EDA: variants seen among roughly 807,000 people sequenced by gnomAD.
The protein encoded by EDA is ectodysplasin A, also known as ectodysplasin-A.
Under a neutral mutation model 23.6 loss-of-function variants are expected in EDA, and 2 were observed. The observed-to-expected ratio is 0.08, with a 90% CI of 0.03 to 0.27. The LOEUF is 0.27. Among genes scored for constraint, EDA ranks in the 10% least tolerant of loss-of-function variants. The pLI is 1.00. For missense variants in EDA, 229 were observed against 324.2 expected (o/e 0.71, Z 2.26); for synonymous variants, 131 against 132.0 (o/e 0.99, Z 0.05).
intron 1 of EDA, among the ~76,000 whole-genome samples, chrX:69,679,989 T>C (rs1934271609): frequency 9.2e-6 from 1 of 108,176 alleles, no homozygotes; most frequent in African/African-American, 3.4e-5. Flanking sequence ...CACACTGCTT[T>C]GAATGCGTCC....
intron 1 of EDA, among the ~76,000 whole-genome samples, chrX:69,791,516 T>C (rs1486169713): frequency 8.9e-6 from 1 of 112,248 alleles, no homozygotes; most frequent in Non-Finnish European, 1.9e-5. Flanking sequence ...AGGGATAAGA[T>C]GTAGAAAATA....
intron 1 of EDA, among the ~76,000 whole-genome samples, chrX:69,859,035 T>C (rs1256700292): frequency 2.6e-4 from 29 of 112,096 alleles, no homozygotes; most frequent in Non-Finnish European, 1.9e-5. Context: ...GTTCATAATA[T>C]TCTTTGATGA....
chrX:69,699,991 A>G (rs1019641570), intron 1 of EDA, among the ~76,000 whole-genome samples: 1 of 110,881 alleles, frequency 9.0e-6, no homozygotes, highest in Non-Finnish European at 1.9e-5. Context: ...AGGAGGGACT[A>G]GAGGAGGGAT....
intron 3 of EDA, among the ~76,000 whole-genome samples, chrX:70,025,130 GTTT>G (rs764249952): frequency 9.4e-6 from 1 of 106,930 alleles, no homozygotes; most frequent in Admixed American, 1.0e-4. Context: ...CAAAGCAGGA[GTTT>G]TTTTTTTTCT....
At chrX:69,925,142 TTCTTTC>T (rs1447878843) in intron 1 of EDA, among the ~76,000 whole-genome samples, 1 of 111,662 alleles carries the variant, frequency 9.0e-6, no homozygotes, top group African/African-American at 3.3e-5. Context: ...ATACCCTTAT[TTCTTTC>T]TCTTGCCTGA....
intron 1 of EDA, among the ~76,000 whole-genome samples, chrX:69,912,970 G>A (rs2018290587): frequency 9.0e-6 from 1 of 110,544 alleles, no homozygotes; most frequent in Admixed American, 9.6e-5. Context: ...GTTTCACCAT[G>A]TTGGCCAGGC....
At chrX:69,879,602 G>C (rs745657452) in intron 1 of EDA, among the ~76,000 whole-genome samples, 40 of 111,799 alleles carry the variant, frequency 3.6e-4, no homozygotes, top group Non-Finnish European at 6.8e-4. Flanking sequence ...TTATAACTAG[G>C]TCATGAGAGT....
At chrX:69,623,180 C>T (rs920859151) in intron 1 of EDA, among the ~76,000 whole-genome samples, 4 of 112,155 alleles carry the variant, frequency 3.6e-5, no homozygotes, top group Non-Finnish European at 5.6e-5. Flanking sequence ...CATTTAGAAT[C>T]AGCTTGTCAT....
intron 2 of EDA, 129 bp downstream of exon 2, chrX:69,957,261 G>A (rs1261277087): frequency 6.5e-5 from 39 of 596,876 alleles, no homozygotes; most frequent in South Asian, 2.9e-4. Context: ...GGAGGCCCAC[G>A]CGGGCAGATC....
chrX:69,792,128 A>T (rs2015422250), intron 1 of EDA, among the ~76,000 whole-genome samples: 2 of 109,998 alleles, frequency 1.8e-5, no homozygotes, highest in South Asian at 7.8e-4. Context: ...CCATTCCCCC[A>T]CTGAGTCCCC....
intron 1 of EDA, among the ~76,000 whole-genome samples, chrX:69,785,356 T>A (rs1396141483): frequency 3.6e-5 from 3 of 82,940 alleles, no homozygotes; most frequent in Admixed American, 2.6e-4. Context: ...AGAGAGGGCA[T>A]CCCTGTCTTG....
intron 2 of EDA, among the ~76,000 whole-genome samples, chrX:69,997,019 AC>A (rs994335077): frequency 2.7e-5 from 3 of 111,633 alleles, no homozygotes; most frequent in Non-Finnish European, 5.6e-5. Context: ...CTTTATCAGC[AC>A]CATGAAATGG....
At chrX:69,644,972 T>C (rs1238175092) in intron 1 of EDA, among the ~76,000 whole-genome samples, 1 of 111,775 alleles carries the variant, frequency 8.9e-6, no homozygotes, top group Non-Finnish European at 1.9e-5. Flanking sequence ...GCTGACTTGA[T>C]CATGGTGGAT....
intron 1 of EDA, among the ~76,000 whole-genome samples, chrX:69,753,109 C>G (rs1569319046): frequency 9.0e-6 from 1 of 111,156 alleles, no homozygotes; most frequent in Admixed American, 9.6e-5. Context: ...TATTTCTTGC[C>G]TTCTGCTAGC....
intron 3 of EDA, among the ~76,000 whole-genome samples, chrX:70,023,478 CTTTTTTTTTTTT>C (rs754981946): frequency 9.0e-5 from 3 of 33,489 alleles, no homozygotes; most frequent in South Asian, 4.3e-3. Context: ...TCTTTTTATT[CTTTTTTTTTTTT>C]TTTTTTTTTT....
intron 2 of EDA, among the ~76,000 whole-genome samples, chrX:69,978,317 C>CT (rs1209751613): frequency 8.0e-4 from 15 of 18,836 alleles, no homozygotes; most frequent in African/African-American, 2.5e-3. Flanking sequence ...AACTCCATCT[C>CT]TAAAAAAAAA....
intron 1 of EDA, among the ~76,000 whole-genome samples, chrX:69,795,918 C>T (rs943708332): frequency 5.4e-5 from 6 of 111,867 alleles, no homozygotes; most frequent in Non-Finnish European, 7.5e-5. Flanking sequence ...AGGGGATTGC[C>T]CAGCCCGGTC....
intron 1 of EDA, among the ~76,000 whole-genome samples, chrX:69,895,395 TACACACACACACAC>T (rs200298403): frequency 1.0e-4 from 9 of 86,101 alleles, no homozygotes; most frequent in Non-Finnish European, 1.4e-4. Context: ...TTTCTCAACC[TACACACACACACAC>T]ACACACACAC....
intron 1 of EDA, among the ~76,000 whole-genome samples, chrX:69,728,243 C>A (rs200190441): frequency 7.1e-4 from 65 of 91,956 alleles, no homozygotes; most frequent in African/African-American, 6.8e-4. Flanking sequence ...GACTCCATCT[C>A]AAAAAAAAAA....
Sources: allele counts gnomAD v4.1 joint callset (sites outside exome capture counted in the v4.1 genomes callset), GRCh38; gene constraint gnomAD v4.1.1; transcripts MANE v1.5; gene names NCBI Gene and HGNC (gene_info 2026-07-23, HGNC 2026-07-21).